Variants in ITGA8 observed in about 807,000 individuals in gnomAD.
ITGA8 encodes integrin subunit alpha 8, also known as integrin alpha-8.
ITGA8 carries 91 observed loss-of-function variants against 142.3 expected under a neutral mutation model. The observed-to-expected ratio is 0.64, with a 90% CI of 0.54 to 0.76. ITGA8 has a LOEUF of 0.76. Ranked by LOEUF, ITGA8 falls within the 30% of genes least tolerant of loss-of-function variation. The probability of loss-of-function intolerance (pLI) is 0.00; values close to 1 mark genes in which losing one functional copy is unlikely to be tolerated. For synonymous variants in ITGA8, 505 were observed against 485.2 expected (o/e 1.04, Z -0.54); for missense variants, 1,406 against 1,327.7 (o/e 1.06, Z -0.92).
chr10:15,536,001 G>T (rs184278747), intron 27 of ITGA8, among the ~76,000 whole-genome samples: 198 of 152,052 alleles, frequency 1.3e-3, no homozygotes, highest in Middle Eastern at 3.4e-3. Context: ...TCACCGAGAA[G>T]GTCCGCAGCT....
chr10:15,540,258 G>T (rs1833542411), intron 27 of ITGA8, among the ~76,000 whole-genome samples: 1 of 151,950 alleles, frequency 6.6e-6, no homozygotes, highest in African/African-American at 2.4e-5. Flanking sequence ...CCGTATTTTT[G>T]TACCCTTTAA....
intron 25 of ITGA8, among the ~76,000 whole-genome samples, chr10:15,562,881 A>G (rs1255332226): frequency 6.6e-6 from 1 of 152,114 alleles, no homozygotes; most frequent in East Asian, 1.9e-4. Context: ...GTCCTCCCAA[A>G]TCTCATGTCG....
At chr10:15,628,380 C>T (rs369867612) in intron 13 of ITGA8, among the ~76,000 whole-genome samples, 10 of 115,808 alleles carry the variant, frequency 8.6e-5, no homozygotes, top group African/African-American at 3.4e-4. Context: ...GTCTAGCAGG[C>T]TGGAATGCAG....
chr10:15,694,367 A>G (rs1416808530), intron 2 of ITGA8, among the ~76,000 whole-genome samples: 1 of 130,506 alleles, frequency 7.7e-6, no homozygotes, highest in Non-Finnish European at 1.6e-5. Flanking sequence ...ATCAGATAAT[A>G]TATCATATAT....
At chr10:15,623,848 C>T (rs1376908921) in intron 13 of ITGA8, among the ~76,000 whole-genome samples, 3 of 152,124 alleles carry the variant, frequency 2.0e-5, no homozygotes, top group Admixed American at 2.0e-4. Context: ...CAAATGTCAC[C>T]CATGCTGTTT....
At chr10:15,625,851 C>T (rs557072405) in intron 13 of ITGA8, among the ~76,000 whole-genome samples, 133 of 152,288 alleles carry the variant, frequency 8.7e-4, no homozygotes, top group African/African-American at 3.1e-3. Flanking sequence ...AAAGCAGCCC[C>T]CAAATCATTT....
intron 13 of ITGA8, among the ~76,000 whole-genome samples, chr10:15,632,410 T>C (rs1487133504): frequency 6.6e-6 from 1 of 152,236 alleles, no homozygotes; most frequent in African/African-American, 2.4e-5. Context: ...GATATTATGT[T>C]ATCGGACTTG....
At chr10:15,617,145 C>G (rs1833408759) in intron 13 of ITGA8, among the ~76,000 whole-genome samples, 1 of 152,200 alleles carries the variant, frequency 6.6e-6, no homozygotes. Context: ...TGGAACAGCA[C>G]TATATGCCAG....
At chr10:15,556,330 G>C (rs1055626982) in intron 26 of ITGA8, among the ~76,000 whole-genome samples, 2 of 151,800 alleles carry the variant, frequency 1.3e-5, no homozygotes, top group African/African-American at 4.8e-5. Flanking sequence ...ACCCAGCCAG[G>C]TCTCTCTCTT....
At chr10:15,676,527 C>A (rs997501218) in intron 6 of ITGA8, among the ~76,000 whole-genome samples, 1 of 152,018 alleles carries the variant, frequency 6.6e-6, no homozygotes, top group African/African-American at 2.4e-5. Flanking sequence ...TCTTGGGTAC[C>A]CCTGTGACAG....
In ITGA8 at chr10:15,719,813, G is replaced by A. The variant is rs551019005; in HGVS notation, c.-42C>T. 202 of 1,302,184 alleles carry A rather than the reference G, an allele frequency of 1.6e-4. No homozygotes were observed. The African/African-American group carries it at 2.9e-3, about 19-fold the overall frequency. 80.7% of individuals were successfully genotyped at this position (1,302,184 alleles called of 1,614,324 possible). A position where few individuals can be genotyped will look rare whatever the true frequency, so the allele number is the denominator to read the frequency against. Reference sequence around the variant, plus strand: ...GGGTGGCTGCTACCCAGGAGCGCGAGCCGAGGACCCCTGCGGGGCAAGGGG... The same window carrying A: ...GGGTGGCTGCTACCCAGGAGCGCGAACCGAGGACCCCTGCGGGGCAAGGGG... On this transcript the variant is annotated 5_prime_UTR_variant, in exon 1 of 30. Transcript: ENST00000378076.
intron 8 of ITGA8, among the ~76,000 whole-genome samples, chr10:15,664,635 T>C (rs1430339980): frequency 6.6e-6 from 1 of 151,710 alleles, no homozygotes; most frequent in Admixed American, 6.6e-5. Context: ...CATTTAGCAT[T>C]AGGTATATCT....
intron 15 of ITGA8, among the ~76,000 whole-genome samples, chr10:15,609,451 A>C (rs1833253467): frequency 6.6e-6 from 1 of 152,326 alleles, no homozygotes; most frequent in Non-Finnish European, 1.5e-5. Flanking sequence ...AAAGTGTCAC[A>C]TCTGGGATTC....
chr10:15,608,180 T>A, intron 16 of ITGA8, 55 bp downstream of exon 16: 3 of 1,210,716 alleles, frequency 2.5e-6, no homozygotes, highest in Non-Finnish European at 3.6e-6. Flanking sequence ...GAGAAATGGT[T>A]ACTGTTCAAC....
At chr10:15,596,617 A>G (rs928414146) in intron 21 of ITGA8, 4 of 152,718 alleles carry the variant, frequency 2.6e-5, no homozygotes, top group African/African-American at 9.6e-5. Flanking sequence ...ATTATAGCAT[A>G]AAAGAGCAAA....
chr10:15,550,697 A>G (rs763044735), intron 26 of ITGA8, among the ~76,000 whole-genome samples: 1 of 152,202 alleles, frequency 6.6e-6, no homozygotes, highest in Non-Finnish European at 1.5e-5. Context: ...GATAGCAATG[A>G]GAGAAAGTCT....
At chr10:15,689,920 C>T (rs1157912524) in intron 2 of ITGA8, among the ~76,000 whole-genome samples, 1 of 152,158 alleles carries the variant, frequency 6.6e-6, no homozygotes, top group Non-Finnish European at 1.5e-5. Flanking sequence ...TGCACCCCTT[C>T]GGCGCCAGAA....
intron 12 of ITGA8, among the ~76,000 whole-genome samples, chr10:15,645,135 G>T (rs1833956837): frequency 7.3e-6 from 1 of 137,438 alleles, no homozygotes; most frequent in African/African-American, 2.6e-5. Flanking sequence ...TAAAAACTCA[G>T]ATTTTTGTAG....
At chr10:15,715,129 A>G (rs758591656) in intron 2 of ITGA8, among the ~76,000 whole-genome samples, 1 of 152,032 alleles carries the variant, frequency 6.6e-6, no homozygotes, top group African/African-American at 2.4e-5. Context: ...CGTTACTGGC[A>G]CTGAGCAGAG....
Sources: allele counts gnomAD v4.1 joint callset (sites outside exome capture counted in the v4.1 genomes callset), GRCh38; gene constraint gnomAD v4.1.1; transcripts MANE v1.5; gene names NCBI Gene and HGNC (gene_info 2026-07-23, HGNC 2026-07-21).